STK4: variants seen among roughly 807,000 people sequenced by gnomAD.
STK4 encodes the protein serine/threonine kinase 4.
Under a neutral mutation model 64.9 loss-of-function variants are expected in STK4, and 30 were observed. That is an observed-to-expected ratio of 0.46 (90% CI 0.35 to 0.63). The LOEUF is 0.63. Among genes scored for constraint, STK4 ranks in the 20% least tolerant of loss-of-function variants. STK4 has a pLI of 0.01. For missense variants in STK4, 466 were observed against 598.5 expected, an observed-to-expected ratio of 0.78 and a Z score of 2.31; for synonymous variants, 177 against 199.0, an observed-to-expected ratio of 0.89 and a Z score of 0.93.
chr20:45,062,298 G>GTGTA (rs1356488000), intron 10 of STK4, among the ~76,000 whole-genome samples: 2 of 152,168 alleles, frequency 1.3e-5, no homozygotes, highest in Non-Finnish European at 2.9e-5. Context: ...GCATTCCATG[G>GTGTA]TGTATATGGA....
rs140854695 is a variant in STK4 at position 44,978,448 on chromosome 20, A to G, written c.122A>G (p.Tyr41Cys). 1.9e-6 allele frequency: 3 copies of G among 1,613,398 alleles called. No homozygotes were observed. Among genetic ancestry groups the G allele is most frequent in the Non-Finnish European group, 2.5e-6 (3 of 1,179,812 alleles). Reference sequence around the variant, plus strand: ...TTCTTCTCCCAAATGTATAGGTCCTATGGCAGCGTATACAAAGCTATTCAT... The same window carrying G: ...TTCTTCTCCCAAATGTATAGGTCCTGTGGCAGCGTATACAAAGCTATTCAT... ...DVLEKLGEGS[Y>C]GSVYKAIHKE... is the part of the protein sequence containing the mutation. Residue 41 changes from tyrosine to cysteine, a missense_variant, in exon 3 of 11, where the codon TAT (tyrosine) becomes TGT (cysteine). Physicochemically the swap from Tyr to Cys is radical, Grantham distance 194. Around this residue, in one of 2 missense-constraint regions of STK4, gnomAD observed 190 missense variants for 289.7 expected, o/e 0.66. Coordinates refer to ENST00000372806, the MANE Select transcript of STK4 (RefSeq NM_006282.5).
At chr20:44,980,500 G>T (rs2067418039) in intron 3 of STK4, among the ~76,000 whole-genome samples, 1 of 152,090 alleles carries the variant, frequency 6.6e-6, no homozygotes, top group African/African-American at 2.4e-5. Flanking sequence ...TTCTTGTTTG[G>T]TATCTCTCTT....
intron 3 of STK4, 49 bp downstream of exon 3, chr20:44,978,620 T>C (rs367990821): frequency 2.0e-5 from 32 of 1,597,146 alleles, no homozygotes; most frequent in Non-Finnish European, 2.3e-5. Flanking sequence ...TTGAATTAGC[T>C]ATGATTGTGT....
At chr20:45,032,323 G>A (rs941727268) in intron 10 of STK4, among the ~76,000 whole-genome samples, 4 of 152,058 alleles carry the variant, frequency 2.6e-5, no homozygotes, top group Non-Finnish European at 5.9e-5. Context: ...TGTTACACAG[G>A]TGAATTGTGT....
chr20:44,987,264 C>G lies in STK4; in HGVS notation c.493C>G (p.Leu165Val), dbSNP rs2067545980. The G allele has an allele frequency of 1.2e-6, 2 of 1,608,776 alleles. No individual in the cohort carries two copies. Among genetic ancestry groups the G allele is most frequent in the African/African-American group, 1.3e-5 (1 of 74,340 alleles). Residue 165 changes from leucine (L) to valine (V), a missense_variant, in exon 5 of 11, where the codon CTT becomes GTT. Coordinates refer to ENST00000372806, the MANE Select transcript of STK4 (RefSeq NM_006282.5). Reference sequence around the variant, plus strand: ...GCTAAATACAGAAGGACATGCAAAACTTGCAGATTTTGGGGTAGCAGGTCA... The same window carrying G: ...GCTAAATACAGAAGGACATGCAAAAGTTGCAGATTTTGGGGTAGCAGGTCA... Reference protein sequence around the residue: ...ILLNTEGHAKLADFGVAGQLT... With the variant: ...ILLNTEGHAKVADFGVAGQLT...
At chr20:45,029,214 G>A (rs141472845) in intron 10 of STK4, among the ~76,000 whole-genome samples, 1 of 152,316 alleles carries the variant, frequency 6.6e-6, no homozygotes, top group East Asian at 1.9e-4. Context: ...GTCTGGAGCT[G>A]AGTGGCAGCT....
intron 10 of STK4, among the ~76,000 whole-genome samples, 172 bp from the exon 11 acceptor site, chr20:45,074,846 A>G (rs1980386231): frequency 1.3e-5 from 2 of 152,180 alleles, no homozygotes; most frequent in Admixed American, 1.3e-4. Flanking sequence ...AAGGTATGCC[A>G]TGCTTTGGAA....
intron 10 of STK4, among the ~76,000 whole-genome samples, chr20:45,047,328 A>T (rs1676452498): frequency 6.6e-6 from 1 of 152,234 alleles, no homozygotes; most frequent in Non-Finnish European, 1.5e-5. Flanking sequence ...TTAATAAAAG[A>T]TAGACCATTA....
At chr20:44,975,885 A>C (rs903325869) in intron 2 of STK4, among the ~76,000 whole-genome samples, 3 of 152,270 alleles carry the variant, frequency 2.0e-5, no homozygotes, top group African/African-American at 7.2e-5. Context: ...TGTGGTATAG[A>C]GGAAAATCAT....
Position 45,077,795 on chromosome 20 carries a change from C to A in STK4, c.*2619C>A, listed in dbSNP as rs1357255417. ...AAATAAAAGAAAGTTCAGTTTTCCC[C>A]CATAACTATTCTTGGGTCATGAACT... On this transcript the variant is annotated 3_prime_UTR_variant, in exon 11 of 11. Coordinates refer to ENST00000372806, the MANE Select transcript of STK4 (RefSeq NM_006282.5). 6.6e-6 allele frequency: 1 copy of A among 152,178 alleles called. No homozygotes were observed. Among genetic ancestry groups the A allele is most frequent in the Non-Finnish European group, 1.5e-5 (1 of 68,036 alleles). 9.4% of individuals were successfully genotyped at this position (152,178 alleles called of 1,614,324 possible).
intron 10 of STK4, among the ~76,000 whole-genome samples, chr20:45,051,020 T>C (rs2068768494): frequency 6.6e-6 from 1 of 152,246 alleles, no homozygotes; most frequent in African/African-American, 2.4e-5. Context: ...TAATAGCTTA[T>C]AGTACCTAAA....
At chr20:45,017,433 G>A (rs2068162191) in intron 9 of STK4, among the ~76,000 whole-genome samples, 1 of 152,204 alleles carries the variant, frequency 6.6e-6, no homozygotes, top group African/African-American at 2.4e-5. Flanking sequence ...TGAAAAGGAA[G>A]GCAATGACTC....
chr20:45,014,922 A>G (rs1488496717), intron 9 of STK4, among the ~76,000 whole-genome samples: 2 of 152,204 alleles, frequency 1.3e-5, no homozygotes, highest in East Asian at 3.8e-4. Flanking sequence ...AGGGAGTGAG[A>G]TGATGATTCC....
At chr20:45,056,383 A>G (rs960573667) in intron 10 of STK4, among the ~76,000 whole-genome samples, 1 of 152,138 alleles carries the variant, frequency 6.6e-6, no homozygotes, top group Non-Finnish European at 1.5e-5. Context: ...TTCACTTAGC[A>G]TACTGTTCTG....
chr20:45,013,820 T>C (rs2068094714), intron 9 of STK4, among the ~76,000 whole-genome samples: 1 of 149,164 alleles, frequency 6.7e-6, no homozygotes, highest in African/African-American at 2.4e-5. Context: ...TGGAGATTTG[T>C]TAAAATTGTT....
At chr20:45,011,729 A>ATATATATATATATTTT (rs60170856) in intron 9 of STK4, among the ~76,000 whole-genome samples, 3 of 115,388 alleles carry the variant, frequency 2.6e-5, no homozygotes, top group African/African-American at 7.3e-5. Context: ...ATATATATAT[A>ATATATATATATATTTT]TTTTTTTTTT....
Position 44,978,094 on chromosome 20 carries a change from T to C in STK4, c.117-349T>C, listed in dbSNP as rs567682937. On this transcript the variant is annotated intron_variant, in intron 2 of 10. Coordinates refer to ENST00000372806, the MANE Select transcript of STK4 (RefSeq NM_006282.5). ...CCCTTTGAACCTTTTTACATTTACCTGTAAAATAGGGATAGTCATCTCATC... is the reference window on the plus strand; with the variant it reads ...CCCTTTGAACCTTTTTACATTTACCCGTAAAATAGGGATAGTCATCTCATC... Among the ~76,000 whole-genome samples the C allele has an allele frequency of 1.6e-4, 24 of 152,342 alleles. No homozygotes were observed. In the East Asian group the frequency reaches 4.6e-3, roughly 29 times the overall value.
rs189690154 is a variant in STK4 at position 45,040,115 on chromosome 20, A to G, written c.1305+14985A>G. On this transcript the variant is annotated intron_variant, in intron 10 of 10. Transcript: ENST00000372806. Reference sequence around the variant, plus strand: ...ATACTTCCATCAGAAGGTTCATAATATCTGGATATATGGTCATCTCTCTTT... The same window carrying G: ...ATACTTCCATCAGAAGGTTCATAATGTCTGGATATATGGTCATCTCTCTTT... Among the ~76,000 whole-genome samples the G allele has an allele frequency of 6.1e-5, 9 of 146,546 alleles. No homozygotes were observed. In the East Asian group the frequency reaches 1.4e-3, roughly 23 times the overall value.
chr20:45,038,839 A>G lies in STK4; in HGVS notation c.1305+13709A>G, dbSNP rs868321787. Among the ~76,000 whole-genome samples the G allele has an allele frequency of 1.6e-4, 25 of 152,166 alleles. No individual in the cohort carries two copies. In the South Asian group the frequency reaches 1.7e-3, roughly 10 times the overall value. ...TTATACATTAATGTAGTTTTTTTCA[A>G]TGAAAAATGACCATTTTCCCAAAAC... is the stretch of plus-strand genomic sequence containing the variant. On this transcript the variant is annotated intron_variant, in intron 10 of 10. Transcript: ENST00000372806.
Sources: allele counts gnomAD v4.1 joint callset (sites outside exome capture counted in the v4.1 genomes callset), GRCh38; gene constraint gnomAD v4.1.1; regional missense constraint gnomAD v4.1.1; transcripts MANE v1.5; gene names NCBI Gene and HGNC (gene_info 2026-07-23, HGNC 2026-07-21).